Variants in TSC2 observed in about 807,000 individuals in gnomAD.
TSC2 encodes the protein TSC complex subunit 2, also known as tuberin.
Under a neutral mutation model 202.2 loss-of-function variants are expected in TSC2, and 29 were observed. That is an observed-to-expected ratio of 0.14 (90% CI 0.11 to 0.20). The LOEUF is 0.20. Ranked by LOEUF, TSC2 falls within the 10% of genes least tolerant of loss-of-function variation. The probability of loss-of-function intolerance (pLI) is 1.00; values close to 1 mark genes in which losing one functional copy is unlikely to be tolerated. For synonymous variants in TSC2, 1,349 were observed against 1,044.0 expected (o/e 1.29, Z -5.63); for missense variants, 2,429 against 2,420.0 (o/e 1.00, Z -0.08).
rs1555440199 is a variant in TSC2, at chr16:2,088,128, C to T, written c.5149C>T (p.Leu1717=). The T allele has an allele frequency of 1.2e-6, 2 of 1,613,012 alleles. No homozygotes were observed. The highest frequency in any genetic ancestry group is 1.1e-5 in the South Asian group (1 of 91,090). Residue 1717 remains leucine, a synonymous_variant, in exon 40 of 42, where the codon CTG becomes TTG. Coordinates refer to ENST00000219476, the MANE Select transcript of TSC2 (RefSeq NM_000548.5). ...NLPFVARQMA[L]HANMASQVHH... ...GCCCTTCGTGGCCCGCCAGATGGCCCTGCACGCAAATGTGAGTGGGGGTGG... is the reference window on the plus strand; with the variant it reads ...GCCCTTCGTGGCCCGCCAGATGGCCTTGCACGCAAATGTGAGTGGGGGTGG...
Position 2,084,570 on chromosome 16 carries a change from C to G in TSC2, c.4348C>G (p.Pro1450Ala), listed in dbSNP as rs376381196. ...QPEGPLPSSS[P>A]RSPSGLRPRG... ...CGAGGGTCCCTTGCCTTCCAGCTCC[C>G]CCCGCTCGCCCAGTGGCCTCCGGCC... Residue 1450 changes from proline (P) to alanine (A), a missense_variant, in exon 34 of 42, where the codon CCC becomes GCC. Coordinates refer to ENST00000219476, the MANE Select transcript of TSC2 (RefSeq NM_000548.5). 3.1e-6 allele frequency: 5 copies of G among 1,607,526 alleles called. No individual in the cohort carries two copies. The highest frequency in any genetic ancestry group is 4.2e-6 in the Non-Finnish European group (5 of 1,179,700).
intron 24 of TSC2, 146 bp downstream of exon 24, chr16:2,076,316 C>T (rs1042713481): frequency 3.8e-5 from 60 of 1,558,454 alleles, no homozygotes; most frequent in Non-Finnish European, 4.8e-5. Context: ...GGGGGCTCTG[C>T]TGGGCAGCCT....
intron 37 of TSC2, 82 bp from the exon 38 acceptor site, chr16:2,086,650 G>A: frequency 1.3e-6 from 2 of 1,589,118 alleles, no homozygotes; most frequent in Non-Finnish European, 1.7e-6. Flanking sequence ...AGCCCCTGGA[G>A]TAATCAGGAG....
At chr16:2,065,727 C>T (rs1027469231) in intron 16 of TSC2, 92 bp downstream of exon 16, 19 of 1,151,252 alleles carry the variant, frequency 1.7e-5, no homozygotes, top group Admixed American at 5.1e-5. Flanking sequence ...TGTTCCCCAG[C>T]GGGACCCACA....
rs1182684408 is a variant in TSC2, at chr16:2,079,825, C to A, written c.3397+156C>A. 1.3e-5 allele frequency among the ~76,000 whole-genome samples: 2 copies of A among 152,190 alleles called. No individual in the cohort carries two copies. Among genetic ancestry groups the A allele is most frequent in the East Asian group, 3.9e-4 (2 of 5,190 alleles). ...TCTGGGGTGAGCCTTCCACAGCTCA[C>A]CCCAGAGCCGTGGAGTGGTGGAGTG... is the stretch of plus-strand genomic sequence containing the variant. On this transcript the variant is annotated intron_variant, in intron 29 of 41. Transcript: ENST00000219476. This position sits in a 1 kb window ranked among gnomAD's most constrained non-coding sequence, Gnocchi z 4.6.
intron 37 of TSC2, 73 bp from the exon 38 acceptor site, chr16:2,086,659 A>C: frequency 6.3e-7 from 1 of 1,594,918 alleles, no homozygotes; most frequent in Non-Finnish European, 8.5e-7. Flanking sequence ...AGTAATCAGG[A>C]GGTGCCCCAG....
chr16:2,056,056 G>A (rs2085767300), intron 6 of TSC2, 140 bp from the exon 7 acceptor site: 1 of 1,017,588 alleles, frequency 9.8e-7, no homozygotes, highest in South Asian at 1.4e-5. Context: ...GCAGGCACCT[G>A]AGTGCTTGTT....
At chr16:2,056,867 G>C in intron 8 of TSC2, 98 bp downstream of exon 8, 1 of 1,579,724 alleles carries the variant, frequency 6.3e-7, no homozygotes. Context: ...TTCTTGGGGT[G>C]GCCAGACAAT....
chr16:2,051,371 C>G (rs959097160), intron 3 of TSC2, among the ~76,000 whole-genome samples: 1 of 151,726 alleles, frequency 6.6e-6, no homozygotes, highest in African/African-American at 2.4e-5. Context: ...CGCATGCTCA[C>G]TCGCTCTCTC....
Position 2,086,274 on chromosome 16 carries a change from A to T in TSC2, c.4744A>T (p.Ile1582Phe), listed in dbSNP as rs2151572578. The change falls in exon 37 of 42, where the codon ATC becomes TTC. Residue 1582 changes from isoleucine (I) to phenylalanine (F), a missense_variant. Ile to Phe is a conservative substitution (Grantham distance 21, BLOSUM62 0). Transcript: ENST00000219476. ...GTTCCTGACGGGCCTGGGCCGGCTCATCGAGCTGAAGGACTGCCAGCCGGA... is the reference window on the plus strand; with the variant it reads ...GTTCCTGACGGGCCTGGGCCGGCTCTTCGAGCTGAAGGACTGCCAGCCGGA... ...TEFLTGLGRL[I>F]ELKDCQPDKV... 1 of 1,612,882 alleles carries T rather than the reference A, an allele frequency of 6.2e-7. No individual in the cohort carries two copies. Among genetic ancestry groups the T allele is most frequent in the Non-Finnish European group, 8.5e-7 (1 of 1,179,962 alleles).
At chr16:2,063,078 G>A (rs1176878368) in intron 14 of TSC2, 25 bp downstream of exon 14, 2 of 1,550,926 alleles carry the variant, frequency 1.3e-6, no homozygotes, top group South Asian at 1.2e-5. Flanking sequence ...GGCCGCAGCT[G>A]GGGGCTCAGG....
rs753334357 is a variant in TSC2, at chr16:2,058,888, G to A, written c.975+15G>A. 24 of 1,604,846 alleles carry A rather than the reference G, an allele frequency of 1.5e-5. No homozygotes were observed. In the East Asian group the frequency reaches 4.9e-4, roughly 33 times the overall value. ...CATTTTACCAGGTAAGGCGGTTTCT[G>A]TGTGCAGTGAGCTGGCAGGAACGGG... On this transcript the variant is annotated intron_variant, in intron 10 of 41. Coordinates refer to ENST00000219476, the MANE Select transcript of TSC2 (RefSeq NM_000548.5).
chr16:2,056,303 G>T (rs1011954024), intron 7 of TSC2, 59 bp downstream of exon 7: 1 of 1,608,892 alleles, frequency 6.2e-7, no homozygotes, highest in Non-Finnish European at 8.5e-7. Flanking sequence ...GGAGGCTGGG[G>T]CTTGGGGGTT....
rs1194968750 is a variant in TSC2, at chr16:2,082,226, GC to G, written c.3815-208del. The G allele has an allele frequency of 2.4e-5, 15 of 622,130 alleles. No homozygotes were observed. The East Asian group carries it at 3.8e-4, about 16-fold the overall frequency. The allele number at this position is 622,130 out of a possible 1,614,324, so 38.5% of individuals were successfully genotyped here. Reference sequence around the variant, plus strand: ...CTGTGGCTGCAGATGGCACTTAGCGGCCTAGGACGTCTATTCACGGGAGGAG... The same window carrying G: ...CTGTGGCTGCAGATGGCACTTAGCGGCTAGGACGTCTATTCACGGGAGGAG... On this transcript the variant is annotated intron_variant, in intron 31 of 41. Coordinates refer to ENST00000219476, the MANE Select transcript of TSC2 (RefSeq NM_000548.5).
chr16:2,082,654 A>G, intron 32 of TSC2, 150 bp downstream of exon 32: 2 of 873,852 alleles, frequency 2.3e-6, no homozygotes, highest in East Asian at 2.6e-5. Flanking sequence ...ACGTCTGTGC[A>G]GAATGTCTTT....
intron 13 of TSC2, 150 bp downstream of exon 13, chr16:2,062,750 C>G: frequency 2.0e-6 from 2 of 983,792 alleles, no homozygotes; most frequent in Non-Finnish European, 3.1e-6. Flanking sequence ...CAGGTGCTAG[C>G]TTGCTTTCCA....
intron 36 of TSC2, 25 bp from the exon 37 acceptor site, chr16:2,086,167 AC>A: frequency 6.2e-7 from 1 of 1,611,456 alleles, no homozygotes; most frequent in Non-Finnish European, 8.5e-7. Context: ...GAGTGATGCC[AC>A]CCTGCCTCTC....
In TSC2 at chr16:2,080,153, C is replaced by T. The variant is rs2151455240; in HGVS notation, c.3398-12C>T. 2.5e-6 allele frequency: 4 copies of T among 1,612,856 alleles called. No individual in the cohort carries two copies. Among genetic ancestry groups the T allele is most frequent in the Non-Finnish European group, 3.4e-6 (4 of 1,179,942 alleles). On this transcript the variant is annotated splice_polypyrimidine_tract_variant and intron_variant, in intron 29 of 41. Coordinates refer to ENST00000219476, the MANE Select transcript of TSC2 (RefSeq NM_000548.5). ...TAAGTGGTGGTCACCAGTCCTCTGCCCTCTTCTTCAGGGGGCCATGGTCTT... is the reference window on the plus strand; with the variant it reads ...TAAGTGGTGGTCACCAGTCCTCTGCTCTCTTCTTCAGGGGGCCATGGTCTT...
chr16:2,075,937 G>A (rs777279988), intron 23 of TSC2, 45 bp downstream of exon 23: 21 of 1,612,294 alleles, frequency 1.3e-5, no homozygotes, highest in East Asian at 2.2e-5. Flanking sequence ...CGTGGCCCCC[G>A]CTAGGCCTTG....
Sources: allele counts gnomAD v4.1 joint callset (sites outside exome capture counted in the v4.1 genomes callset), GRCh38; gene constraint gnomAD v4.1.1; non-coding constraint Gnocchi (gnomAD v3.1); transcripts MANE v1.5; gene names NCBI Gene and HGNC (gene_info 2026-07-23, HGNC 2026-07-21).